Variants in AHRR observed in about 807,000 individuals in gnomAD.
AHRR encodes ahR repressor.
In AHRR, 28 loss-of-function variants were observed where a neutral mutation model predicts 44.0. That is an observed-to-expected ratio of 0.64 (90% CI 0.47 to 0.87). The LOEUF (loss-of-function observed/expected upper bound fraction) is 0.87, where lower values mean the gene tolerates loss of function less well. Ranked by LOEUF, AHRR falls within the 40% of genes least tolerant of loss-of-function variation. The pLI, the probability that AHRR is intolerant of heterozygous loss-of-function variation, is 0.00. For synonymous variants in AHRR, 434 were observed against 407.0 expected (o/e 1.07, Z -0.80); for missense variants, 990 against 953.9 (o/e 1.04, Z -0.50).
At chr5:427,549 C>A in intron 7 of AHRR, 2 of 1,508,134 alleles carry the variant, frequency 1.3e-6, no homozygotes, top group Non-Finnish European at 1.8e-6. Flanking sequence ...CGGGAATGAA[C>A]CTGTCAAAGG....
chr5:404,132 T>G lies in AHRR; in HGVS notation c.352-9212T>G. 1.8e-6 allele frequency: 1 copy of G among 548,948 alleles called. No individual in the cohort carries two copies. The highest frequency in any genetic ancestry group is 3.5e-6 in the Non-Finnish European group (1 of 287,744). 34.0% of individuals were successfully genotyped at this position (548,948 alleles called of 1,614,324 possible). On this transcript the variant is annotated intron_variant, in intron 4 of 10. Coordinates refer to ENST00000684583, the MANE Select transcript of AHRR (RefSeq NM_001377236.1). The surrounding 1 kb of genome is among the most constrained non-coding windows in gnomAD (Gnocchi z 4.1). The stretch of plus-strand genomic sequence containing the variant: ...CCAGGTTTGGGGTTACCCTTCTCCG[T>G]CTCTCTCAGCCTCAGCCGTTCCTGG...
chr5:428,548 C>A (rs911855180), intron 8 of AHRR, among the ~76,000 whole-genome samples: 4 of 152,206 alleles, frequency 2.6e-5, no homozygotes, highest in Non-Finnish European at 5.9e-5. Flanking sequence ...GGTCCCCGAG[C>A]TTGTTGGTAC....
chr5:384,425 A>G (rs1187977328), intron 4 of AHRR, among the ~76,000 whole-genome samples: 2 of 152,128 alleles, frequency 1.3e-5, no homozygotes, highest in Non-Finnish European at 2.9e-5. Flanking sequence ...AACCCTCCAG[A>G]CAATATAATT....
chr5:397,272 C>T (rs1274325911), intron 4 of AHRR, among the ~76,000 whole-genome samples: 1 of 109,068 alleles, frequency 9.2e-6, no homozygotes, highest in Non-Finnish European at 1.9e-5. Context: ...AGCTCCTGAC[C>T]GTCCATGTTA....
chr5:434,650 G>A lies in AHRR; in HGVS notation c.1910G>A (p.Arg637Gln), dbSNP rs767474914. The stretch of plus-strand genomic sequence containing the variant: ...GAGCCTCCCCACCAGCTCTGTGCAC[G>A]GGGCCGAGGTGAACAGTCCTGCACC... ...QSEPPHQLCA[R>Q]GRGEQSCTCR... Residue 637 changes from arginine to glutamine, a missense_variant, in exon 11 of 11, where the codon CGG becomes CAG. Coordinates refer to ENST00000684583, the MANE Select transcript of AHRR (RefSeq NM_001377236.1). 21 of 1,564,022 alleles carry A rather than the reference G, an allele frequency of 1.3e-5. No homozygotes were observed. The highest frequency in any genetic ancestry group is 1.3e-4 in the Admixed American group (7 of 52,790).
chr5:354,475 T>C (rs1444395760), intron 3 of AHRR, among the ~76,000 whole-genome samples: 1 of 152,148 alleles, frequency 6.6e-6, no homozygotes. Flanking sequence ...CTTCTGGGGC[T>C]CCTGCATCTC....
chr5:369,044 G>A (rs1233493577), intron 3 of AHRR, among the ~76,000 whole-genome samples: 2 of 152,190 alleles, frequency 1.3e-5, no homozygotes, highest in African/African-American at 2.4e-5. Flanking sequence ...TAGCTTAGGG[G>A]AATTTGGGAC....
At chr5:420,629 C>A (rs1254219930) in intron 5 of AHRR, among the ~76,000 whole-genome samples, 4 of 152,190 alleles carry the variant, frequency 2.6e-5, no homozygotes, top group East Asian at 1.9e-4. Flanking sequence ...AGGACAAAAG[C>A]CTTCCCCATG....
chr5:413,558 T>G, intron 5 of AHRR, 125 bp downstream of exon 5: 1 of 722,222 alleles, frequency 1.4e-6, no homozygotes, highest in Non-Finnish European at 2.3e-6. Flanking sequence ...TGAGCTCTTA[T>G]CAGATAAAGA....
At chr5:400,342 C>A (rs2721021) in intron 4 of AHRR, among the ~76,000 whole-genome samples, 3 of 151,806 alleles carry the variant, frequency 2.0e-5, no homozygotes, top group Non-Finnish European at 4.4e-5. Flanking sequence ...TCCCTGCGGT[C>A]CCTGGGGGAG....
intron 4 of AHRR, among the ~76,000 whole-genome samples, chr5:382,869 TTAAC>T (rs1332856235): frequency 6.6e-6 from 1 of 152,208 alleles, no homozygotes; most frequent in African/African-American, 2.4e-5. Flanking sequence ...ACTGATTTTT[TTAAC>T]TAACCATTCT....
At chr5:430,985 GC>G (rs1736697531) in intron 8 of AHRR, among the ~76,000 whole-genome samples, 1 of 152,220 alleles carries the variant, frequency 6.6e-6, no homozygotes, top group Non-Finnish European at 1.5e-5. Context: ...CAGGGCTCGG[GC>G]CCAGGTCTTC....
chr5:410,015 A>G (rs1363636730), intron 4 of AHRR, among the ~76,000 whole-genome samples: 4 of 152,178 alleles, frequency 2.6e-5, no homozygotes, highest in Non-Finnish European at 5.9e-5. Context: ...ACGCTGTTTC[A>G]GACCTTCCTT....
In AHRR at chr5:422,487, G is replaced by C. The variant is rs1736172639; in HGVS notation, c.442-242G>C. On this transcript the variant is annotated intron_variant, in intron 5 of 10. Transcript: ENST00000684583. ...TCTTAGCCTCCCGCTTGCCCCGAAA[G>C]GCTGGATGTGGGCACCACTTGGCGG... is the stretch of plus-strand genomic sequence containing the variant. The C allele has an allele frequency of 9.3e-6, 5 of 538,154 alleles. No individual in the cohort carries two copies. In the South Asian group the frequency reaches 1.0e-4, roughly 11 times the overall value. The allele number at this position is 538,154 out of a possible 1,614,324, so 33.3% of individuals were successfully genotyped here.
rs536980745 is a variant in AHRR at position 419,379 on chromosome 5, C to T, written c.442-3350C>T. On this transcript the variant is annotated intron_variant, in intron 5 of 10. Coordinates refer to ENST00000684583, the MANE Select transcript of AHRR (RefSeq NM_001377236.1). This position sits in a 1 kb window ranked among gnomAD's most constrained non-coding sequence, Gnocchi z 4.4. ...GGGGCTTCACCATGTTGAAGCCAGG[C>T]TGATCTCAAACTCCCAACCTCAAGT... Among the ~76,000 whole-genome samples, 1 of 152,258 alleles carries T rather than the reference C, an allele frequency of 6.6e-6. No individual in the cohort carries two copies. The highest frequency in any genetic ancestry group is 6.5e-5 in the Admixed American group (1 of 15,298).
At chr5:330,877 T>A (rs1301972260) in intron 1 of AHRR, among the ~76,000 whole-genome samples, 2 of 146,422 alleles carry the variant, frequency 1.4e-5, no homozygotes, top group East Asian at 3.9e-4. Context: ...GCATTTTTTT[T>A]TTTTTTTTTT....
At chr5:329,068 G>A (rs995290110) in intron 1 of AHRR, among the ~76,000 whole-genome samples, 1 of 152,196 alleles carries the variant, frequency 6.6e-6, no homozygotes, top group African/African-American at 2.4e-5. Flanking sequence ...TCATGACAGT[G>A]AGTGAATTCT....
intron 3 of AHRR, among the ~76,000 whole-genome samples, chr5:375,842 G>A (rs1166391176): frequency 1.3e-5 from 2 of 152,172 alleles, no homozygotes; most frequent in Non-Finnish European, 2.9e-5. Context: ...TGCTGGGTCC[G>A]GAACTCAGCC....
chr5:381,089 G>A (rs1394859368), intron 4 of AHRR, among the ~76,000 whole-genome samples: 2 of 152,258 alleles, frequency 1.3e-5, no homozygotes, highest in Non-Finnish European at 2.9e-5. Context: ...GAGAGAAAGA[G>A]AGAACAGAAA....
Sources: allele counts gnomAD v4.1 joint callset (sites outside exome capture counted in the v4.1 genomes callset), GRCh38; gene constraint gnomAD v4.1.1; non-coding constraint Gnocchi (gnomAD v3.1); transcripts MANE v1.5; gene names NCBI Gene and HGNC (gene_info 2026-07-23, HGNC 2026-07-21).